Variants in NDUFS4 observed in about 807,000 individuals in gnomAD.
NDUFS4 encodes NADH:ubiquinone oxidoreductase subunit S4, also known as NADH dehydrogenase [ubiquinone] iron-sulfur protein 4, mitochondrial.
NDUFS4 carries 28 observed loss-of-function variants against 24.3 expected under a neutral mutation model. The observed-to-expected ratio is 1.15, with a 90% CI of 0.85 to 1.58. The LOEUF (loss-of-function observed/expected upper bound fraction) is 1.58, where lower values mean the gene tolerates loss of function less well. NDUFS4 is among the 40% of genes most tolerant of loss of function. The pLI, the probability that NDUFS4 is intolerant of heterozygous loss-of-function variation, is 0.00. For synonymous variants in NDUFS4, 93 were observed against 69.7 expected, an observed-to-expected ratio of 1.34 and a Z score of -1.67; for missense variants, 223 against 207.9, an observed-to-expected ratio of 1.07 and a Z score of -0.45.
At chr5:53,626,107 A>G (rs916228442) in intron 2 of NDUFS4, among the ~76,000 whole-genome samples, 6 of 151,434 alleles carry the variant, frequency 4.0e-5, no homozygotes, top group Admixed American at 2.6e-4. Context: ...TCATTGTTCA[A>G]CTCCCACTTA....
intron 2 of NDUFS4, among the ~76,000 whole-genome samples, chr5:53,608,362 G>A (rs1348571160): frequency 6.6e-6 from 1 of 152,128 alleles, no homozygotes; most frequent in Non-Finnish European, 1.5e-5. Flanking sequence ...CTTAAAATAA[G>A]ACAACAGTGA....
chr5:53,634,456 G>T (rs911140851), intron 2 of NDUFS4, among the ~76,000 whole-genome samples: 7 of 152,034 alleles, frequency 4.6e-5, no homozygotes, highest in African/African-American at 1.7e-4. Context: ...CATACCTTTT[G>T]TTTTCATAAC....
intron 1 of NDUFS4, among the ~76,000 whole-genome samples, chr5:53,598,025 G>A (rs927512008): frequency 2.0e-5 from 3 of 152,120 alleles, no homozygotes; most frequent in Admixed American, 6.6e-5. Flanking sequence ...TATGTCATTC[G>A]GGAATTACAA....
chr5:53,602,559 A>C (rs558590192), intron 1 of NDUFS4, among the ~76,000 whole-genome samples: 7 of 152,292 alleles, frequency 4.6e-5, no homozygotes, highest in Non-Finnish European at 1.0e-4. Flanking sequence ...TATTTGTATC[A>C]GTTATTTTTG....
intron 4 of NDUFS4, among the ~76,000 whole-genome samples, chr5:53,672,189 T>C (rs924323136): frequency 3.3e-5 from 5 of 151,768 alleles, no homozygotes; most frequent in South Asian, 2.1e-4. Flanking sequence ...TAACCTCTTA[T>C]GAGGGTCTCA....
chr5:53,645,003 T>C (rs1053277658), intron 2 of NDUFS4, among the ~76,000 whole-genome samples: 1 of 152,148 alleles, frequency 6.6e-6, no homozygotes, highest in Non-Finnish European at 1.5e-5. Context: ...TTGCCAGTTA[T>C]TTGGTTCATA....
At chr5:53,664,824 A>G (rs1752464045) in intron 4 of NDUFS4, among the ~76,000 whole-genome samples, 1 of 152,056 alleles carries the variant, frequency 6.6e-6, no homozygotes, top group African/African-American at 2.4e-5. Context: ...GCCTTCTGTC[A>G]ACTCGTCAAA....
rs1752339664 is a variant in NDUFS4 at position 53,661,407 on chromosome 5, TGTA to T, written c.424+2787_424+2789del. On this transcript the variant is annotated intron_variant, in intron 4 of 4. Coordinates refer to ENST00000296684, the MANE Select transcript of NDUFS4 (RefSeq NM_002495.4). The stretch of plus-strand genomic sequence containing the variant: ...CATGCTATTTTGGTTACTGTAGCCT[TGTA>T]GTATAGTTTGAAGTCAGGTAGCTTG... Among the ~76,000 whole-genome samples the T allele has an allele frequency of 6.6e-5, 10 of 152,314 alleles. No individual in the cohort carries two copies. The South Asian group carries it at 1.7e-3, about 25-fold the overall frequency.
At chr5:53,608,491 A>C (rs1328114018) in intron 2 of NDUFS4, among the ~76,000 whole-genome samples, 1 of 152,228 alleles carries the variant, frequency 6.6e-6, no homozygotes, top group Non-Finnish European at 1.5e-5. Context: ...AAGCCTCTTA[A>C]ACCCCACTGC....
At chr5:53,663,529 A>G (rs963681879) in intron 4 of NDUFS4, among the ~76,000 whole-genome samples, 2 of 152,188 alleles carry the variant, frequency 1.3e-5, no homozygotes, top group Admixed American at 1.3e-4. Flanking sequence ...TATTGGGTGC[A>G]TATATATTTA....
At chr5:53,596,814 A>C (rs900265726) in intron 1 of NDUFS4, among the ~76,000 whole-genome samples, 4 of 152,252 alleles carry the variant, frequency 2.6e-5, no homozygotes, top group Non-Finnish European at 4.4e-5. Flanking sequence ...TCAAAAGGCT[A>C]AAGATTGACT....
chr5:53,566,613 A>G (rs1749035511), intron 1 of NDUFS4, among the ~76,000 whole-genome samples: 1 of 152,174 alleles, frequency 6.6e-6, no homozygotes, highest in African/African-American at 2.4e-5. Context: ...GGACTCCTCA[A>G]GGACACCAAA....
At chr5:53,613,389 A>G (rs561281873) in intron 2 of NDUFS4, among the ~76,000 whole-genome samples, 46 of 152,130 alleles carry the variant, frequency 3.0e-4, no homozygotes, top group Non-Finnish European at 3.4e-4. Flanking sequence ...ACATCAAAGA[A>G]TAGCAGCCTT....
intron 2 of NDUFS4, among the ~76,000 whole-genome samples, chr5:53,609,486 T>C (rs1750631707): frequency 6.6e-6 from 1 of 152,200 alleles, no homozygotes; most frequent in Non-Finnish European, 1.5e-5. Flanking sequence ...GGCTTTGTTA[T>C]TCATTTATAG....
intron 4 of NDUFS4, among the ~76,000 whole-genome samples, chr5:53,682,660 C>CAT (rs1035615895): frequency 3.3e-5 from 5 of 152,046 alleles, no homozygotes; most frequent in Non-Finnish European, 5.9e-5. Flanking sequence ...TACACACGTA[C>CAT]ATATATATAC....
chr5:53,578,572 C>G (rs1448736059), intron 1 of NDUFS4, among the ~76,000 whole-genome samples: 1 of 152,154 alleles, frequency 6.6e-6, no homozygotes, highest in Non-Finnish European at 1.5e-5. Context: ...CTGATACTTG[C>G]TAACTGTGCT....
chr5:53,560,679 T>C lies in NDUFS4; in HGVS notation c.17T>C (p.Met6Thr), dbSNP rs1372681850. 6 of 1,614,144 alleles carry C rather than the reference T, an allele frequency of 3.7e-6. No homozygotes were observed. Among genetic ancestry groups the C allele is most frequent in the Middle Eastern group, 1.6e-4 (1 of 6,084 alleles). The change falls in exon 1 of 5, where the codon ATG (methionine) becomes ACG (threonine). Residue 6 changes from methionine (M) to threonine (T), a missense_variant. By Grantham distance (81) the Met-to-Thr change is moderately conservative. Coordinates refer to ENST00000296684, the MANE Select transcript of NDUFS4 (RefSeq NM_002495.4). ...TGCAGCAAGATGGCGGCGGTGTCAA[T>C]GTCAGTGGTACTGAGGCAGACGTTG... MAAVS[M>T]SVVLRQTLWR... is the part of the protein sequence containing the mutation.
intron 4 of NDUFS4, among the ~76,000 whole-genome samples, chr5:53,670,508 A>C (rs557895250): frequency 6.7e-6 from 1 of 149,976 alleles, no homozygotes; most frequent in South Asian, 2.1e-4. Context: ...AAATATTATA[A>C]AAATTAATTT....
intron 4 of NDUFS4, among the ~76,000 whole-genome samples, chr5:53,660,292 T>A (rs1290935907): frequency 6.6e-6 from 1 of 152,034 alleles, no homozygotes; most frequent in African/African-American, 2.4e-5. Context: ...GAATGATGGT[T>A]TCCAGCTTCA....
Sources: gnomAD v4.1 joint callset for allele counts (sites outside exome capture counted in the v4.1 genomes callset) on GRCh38, gnomAD v4.1.1 for gene constraint, MANE v1.5 for transcripts, NCBI Gene and HGNC (gene_info 2026-07-23, HGNC 2026-07-21) for gene names.